Variants in MPHOSPH8 observed in about 807,000 individuals in gnomAD.
MPHOSPH8 encodes M-phase phosphoprotein 8.
Under a neutral mutation model 87.3 loss-of-function variants are expected in MPHOSPH8, and 45 were observed. The ratio of observed to expected loss-of-function variants is 0.52; its 90% CI spans 0.41 to 0.66. The LOEUF (loss-of-function observed/expected upper bound fraction) is 0.66. Among genes scored for constraint, MPHOSPH8 ranks in the 30% least tolerant of loss-of-function variants. The pLI is 0.00. For synonymous variants in MPHOSPH8, 366 were observed against 376.9 expected (o/e 0.97, Z 0.33); for missense variants, 883 against 1,020.2 (o/e 0.87, Z 1.83).
At chr13:19,661,330 C>G (rs1275141794) in intron 7 of MPHOSPH8, among the ~76,000 whole-genome samples, 1 of 152,154 alleles carries the variant, frequency 6.6e-6, no homozygotes, top group Non-Finnish European at 1.5e-5. Flanking sequence ...AATGCTGACA[C>G]AACAACACAA....
chr13:19,634,858 T>A (rs1307027063), intron 1 of MPHOSPH8, among the ~76,000 whole-genome samples: 1 of 152,234 alleles, frequency 6.6e-6, no homozygotes, highest in Non-Finnish European at 1.5e-5. Context: ...GTGGTCATTC[T>A]GTATGTTGTG....
intron 10 of MPHOSPH8, among the ~76,000 whole-genome samples, chr13:19,667,930 G>A (rs566429259): frequency 2.6e-5 from 4 of 152,246 alleles, no homozygotes; most frequent in South Asian, 2.1e-4. Context: ...CTCTGGGACC[G>A]CGCCTGTTGA....
chr13:19,670,155 C>G, intron 11 of MPHOSPH8, 81 bp from the exon 12 acceptor site: 1 of 1,551,216 alleles, frequency 6.4e-7, no homozygotes, highest in Non-Finnish European at 8.8e-7. Context: ...GCTCAGGGGC[C>G]TGCTTCCATC....
intron 7 of MPHOSPH8, among the ~76,000 whole-genome samples, chr13:19,659,919 G>A (rs1263872974): frequency 1.4e-5 from 2 of 143,546 alleles, no homozygotes; most frequent in African/African-American, 5.2e-5. Context: ...CATCTCTCCT[G>A]TTGTAGCTGG....
At position 19,633,829 on chromosome 13, in the gene MPHOSPH8, CGAA is replaced by C. The variant is rs776374764; in HGVS notation, c.86_88del (p.Glu29del). ...ACAGCACTGAGGAGTTGGCCGAAGT[CGAA>C]GAAGGAGTTGGAGTAGTGGGCGAAG... On this transcript the variant is annotated inframe_deletion, in exon 1 of 14. Transcript: ENST00000361479. 8.1e-6 allele frequency: 13 copies of C among 1,610,340 alleles called. No homozygotes were observed. Among genetic ancestry groups the C allele is most frequent in the South Asian group, 4.4e-5 (4 of 90,072 alleles).
At chr13:19,662,244 A>G (rs1359060788) in intron 8 of MPHOSPH8, among the ~76,000 whole-genome samples, 3 of 152,158 alleles carry the variant, frequency 2.0e-5, no homozygotes, top group African/African-American at 4.8e-5. Context: ...TGGCTGTCAC[A>G]CGGTCCCATA....
intron 5 of MPHOSPH8, among the ~76,000 whole-genome samples, chr13:19,654,243 C>T (rs1875028387): frequency 6.6e-6 from 1 of 152,192 alleles, no homozygotes; most frequent in Admixed American, 6.5e-5. Context: ...TAAACACACA[C>T]TACATGTTCT....
At position 19,663,021 on chromosome 13, in the gene MPHOSPH8, C is replaced by A. The variant is rs1207489502; in HGVS notation, c.1933-19C>A. 4 of 1,574,312 alleles carry A rather than the reference C, an allele frequency of 2.5e-6. No homozygotes were observed. Among genetic ancestry groups the A allele is most frequent in the Non-Finnish European group, 3.5e-6 (4 of 1,150,282 alleles). On this transcript the variant is annotated intron_variant, in intron 8 of 13. Transcript: ENST00000361479. ...TAAATAATTTGGGAAATTAAATTTG[C>A]CTTTTTTTCTTTTCATAGAACTTTT...
At chr13:19,670,845 G>A (rs968302551) in intron 12 of MPHOSPH8, 3 of 1,151,704 alleles carry the variant, frequency 2.6e-6, no homozygotes, top group African/African-American at 1.7e-5. Flanking sequence ...TGAAGACAGG[G>A]TCTCGCTCTG....
At chr13:19,652,584 C>T (rs955697123) in intron 5 of MPHOSPH8, among the ~76,000 whole-genome samples, 6 of 152,120 alleles carry the variant, frequency 3.9e-5, no homozygotes, top group African/African-American at 1.4e-4. Context: ...GAGACAAAAC[C>T]GTTCATTCCT....
chr13:19,665,841 G>A (rs1258036707), intron 9 of MPHOSPH8, among the ~76,000 whole-genome samples: 1 of 152,220 alleles, frequency 6.6e-6, no homozygotes, highest in Non-Finnish European at 1.5e-5. Flanking sequence ...GAGACAAGGA[G>A]ACAGTCTGTC....
In MPHOSPH8 at chr13:19,646,380, A is replaced by C. The variant is rs141484480; in HGVS notation, c.370-63A>C. 6.9e-5 allele frequency: 87 copies of C among 1,262,974 alleles called. No individual in the cohort carries two copies. The African/African-American group carries it at 1.3e-3, about 18-fold the overall frequency. 78.2% of individuals were successfully genotyped at this position (1,262,974 alleles called of 1,614,324 possible). A position where few individuals can be genotyped will look rare whatever the true frequency, so the allele number is the denominator to read the frequency against. On this transcript the variant is annotated intron_variant, in intron 2 of 13. Coordinates refer to ENST00000361479, the MANE Select transcript of MPHOSPH8 (RefSeq NM_017520.4). ...ATTCTTACCAAATTTCATTAGTACT[A>C]CTTTTCAAAACCTTTAAAATCAATA...
intron 5 of MPHOSPH8, among the ~76,000 whole-genome samples, chr13:19,651,585 A>C (rs192246592): frequency 2.0e-5 from 3 of 151,690 alleles, no homozygotes; most frequent in Non-Finnish European, 4.4e-5. Flanking sequence ...AGTCACAGCT[A>C]CTCTGGAGGC....
At position 19,636,256 on chromosome 13, in the gene MPHOSPH8, GGTTT is replaced by G. The variant is rs1327797670; in HGVS notation, c.213+2299_213+2302del. Among the ~76,000 whole-genome samples the G allele has an allele frequency of 1.1e-4, 16 of 152,184 alleles. No homozygotes were observed. The East Asian group carries it at 2.3e-3, about 22-fold the overall frequency. On this transcript the variant is annotated intron_variant, in intron 1 of 13. Coordinates refer to ENST00000361479, the MANE Select transcript of MPHOSPH8 (RefSeq NM_017520.4). ...TGACAAACTTAAGGGTACTGCTAGC[GGTTT>G]GTTAGGCCTCCTTATAGTCTAGTCT...
intron 5 of MPHOSPH8, among the ~76,000 whole-genome samples, chr13:19,651,340 G>A (rs565822439): frequency 3.4e-4 from 51 of 151,760 alleles, no homozygotes; most frequent in Non-Finnish European, 5.9e-4. Context: ...CAGCCTGGGC[G>A]ACACAGTGAA....
chr13:19,647,246 G>A lies in MPHOSPH8; in HGVS notation c.1173G>A (p.Leu391=), dbSNP rs1874617700. 6.2e-7 allele frequency: 1 copy of A among 1,611,530 alleles called. No individual in the cohort carries two copies. Among genetic ancestry groups the A allele is most frequent in the African/African-American group, 1.3e-5 (1 of 74,538 alleles). ...CCCAAACGCCAAAGGGCCGGAGGTT[G>A]AGCGGGGAAGAGAGAGGCCTCTGGT... ...VSAQTPKGRR[L]SGEERGLWST... Residue 391 remains leucine (L), a synonymous_variant, in exon 3 of 14, where the codon TTG becomes TTA. Transcript: ENST00000361479.
chr13:19,637,198 G>T (rs1229717116), intron 1 of MPHOSPH8, among the ~76,000 whole-genome samples: 1 of 152,182 alleles, frequency 6.6e-6, no homozygotes, highest in Non-Finnish European at 1.5e-5. Flanking sequence ...ATTAAGATAT[G>T]TTCCTTAATA....
chr13:19,654,096 C>G (rs1231174575), intron 5 of MPHOSPH8, among the ~76,000 whole-genome samples: 1 of 152,102 alleles, frequency 6.6e-6, no homozygotes, highest in Non-Finnish European at 1.5e-5. Flanking sequence ...ATCCCCAAGA[C>G]GTAATCATCA....
chr13:19,661,946 T>C (rs1875556976), intron 8 of MPHOSPH8, 108 bp downstream of exon 8: 20 of 185,598 alleles, frequency 1.1e-4, no homozygotes, highest in South Asian at 1.7e-4. Flanking sequence ...GTCACATCGC[T>C]TTTTTTTTTT....
Sources: gnomAD v4.1 joint callset for allele counts (sites outside exome capture counted in the v4.1 genomes callset) on GRCh38, gnomAD v4.1.1 for gene constraint, MANE v1.5 for transcripts, NCBI Gene and HGNC (gene_info 2026-07-23, HGNC 2026-07-21) for gene names.